Variants in PRELID2 observed in about 807,000 individuals in gnomAD.
PRELID2 encodes the protein PRELI domain containing 2.
PRELID2 carries 25 observed loss-of-function variants against 28.4 expected under a neutral mutation model. That is an observed-to-expected ratio of 0.88 (90% CI 0.64 to 1.23). The LOEUF (loss-of-function observed/expected upper bound fraction) is 1.23, where lower values mean the gene tolerates loss of function less well. Among genes scored for constraint, PRELID2 ranks in the 50% most tolerant of loss-of-function variants. The pLI is 0.00. For missense variants in PRELID2, 201 were observed against 214.4 expected, an observed-to-expected ratio of 0.94 and a Z score of 0.39; for synonymous variants, 76 against 71.6, an observed-to-expected ratio of 1.06 and a Z score of -0.31.
At chr5:145,415,104 T>A in the PRELID2 span, among the ~76,000 whole-genome samples, 987 of 151,912 alleles carry the variant, frequency 6.5e-3, 26 homozygotes, top group Admixed American at 0.05. Flanking sequence ...AAAACACTCC[T>A]CAGCAAATGC....
At chr5:145,280,714 C>A in the PRELID2 span, among the ~76,000 whole-genome samples, 1 of 150,852 alleles carries the variant, frequency 6.6e-6, no homozygotes, top group Non-Finnish European at 1.5e-5. Context: ...CTATTTCTGT[C>A]TGGATGGGAA....
chr5:145,739,462 A>C (rs1470755872), intron 1 of PRELID2, among the ~76,000 whole-genome samples: 1 of 152,136 alleles, frequency 6.6e-6, no homozygotes, highest in Admixed American at 6.6e-5. Flanking sequence ...CCGAGATTGC[A>C]CCACTGCACT....
chr5:145,530,950 C>A (rs1752650082), intron 1 of PRELID2, among the ~76,000 whole-genome samples: 1 of 152,238 alleles, frequency 6.6e-6, no homozygotes, highest in African/African-American at 2.4e-5. Flanking sequence ...TTAGCTTTTT[C>A]AAAGTCCTCT....
intron 1 of PRELID2, among the ~76,000 whole-genome samples, chr5:145,742,295 T>G (rs1358134976): frequency 7.7e-6 from 1 of 129,376 alleles, no homozygotes; most frequent in Non-Finnish European, 1.6e-5. Context: ...TATTTTTATA[T>G]AAATATTTAT....
chr5:145,517,315 C>G (rs756629508), intron 1 of PRELID2, among the ~76,000 whole-genome samples: 2 of 151,848 alleles, frequency 1.3e-5, no homozygotes, highest in Non-Finnish European at 2.9e-5. Context: ...ACAACCCCAT[C>G]AAAATATGGG....
At chr5:145,685,699 G>T (rs949538296) in intron 1 of PRELID2, among the ~76,000 whole-genome samples, 10 of 152,148 alleles carry the variant, frequency 6.6e-5, no homozygotes, top group African/African-American at 2.4e-4. Context: ...ACAATTGCCT[G>T]TAGTAAATAT....
chr5:145,684,183 T>G (rs1279679609), intron 1 of PRELID2, among the ~76,000 whole-genome samples: 1 of 152,122 alleles, frequency 6.6e-6, no homozygotes, highest in South Asian at 2.1e-4. Flanking sequence ...AGAACATGTA[T>G]GTAGAGGAGA....
chr5:145,597,757 A>C (rs1277211568), intron 1 of PRELID2, among the ~76,000 whole-genome samples: 2 of 152,142 alleles, frequency 1.3e-5, no homozygotes, highest in Non-Finnish European at 2.9e-5. Flanking sequence ...AAAATCCCAG[A>C]TCTAGATTTC....
the PRELID2 span, among the ~76,000 whole-genome samples, chr5:145,251,194 C>T: frequency 6.6e-6 from 1 of 152,038 alleles, no homozygotes. Flanking sequence ...AGGCAAGGCT[C>T]CTTCAGATCA....
intron 1 of PRELID2, among the ~76,000 whole-genome samples, chr5:145,540,767 A>G (rs1752739086): frequency 2.6e-5 from 4 of 151,806 alleles, no homozygotes; most frequent in African/African-American, 9.7e-5. Context: ...GGGAATAACA[A>G]TCAAATGCAA....
At chr5:145,423,988 C>A in the PRELID2 span, among the ~76,000 whole-genome samples, 7 of 151,534 alleles carry the variant, frequency 4.6e-5, no homozygotes, top group African/African-American at 1.7e-4. Context: ...TGTTGGAGTA[C>A]CCTGCCGTGT....
the PRELID2 span, among the ~76,000 whole-genome samples, chr5:145,335,894 G>A: frequency 0.014 from 2,112 of 152,312 alleles, 30 homozygotes; most frequent in Non-Finnish European, 0.022. Context: ...CACCAACAGT[G>A]TAAAAGTGTT....
chr5:145,356,128 C>T, the PRELID2 span, among the ~76,000 whole-genome samples: 1 of 152,108 alleles, frequency 6.6e-6, no homozygotes, highest in Non-Finnish European at 1.5e-5. Flanking sequence ...TGACCTAACA[C>T]TGGCCTCATT....
chr5:145,365,705 C>T, the PRELID2 span, among the ~76,000 whole-genome samples: 1 of 151,768 alleles, frequency 6.6e-6, no homozygotes, highest in African/African-American at 2.4e-5. Flanking sequence ...AAATAATGTG[C>T]CTCCCTCAAC....
the PRELID2 span, among the ~76,000 whole-genome samples, chr5:145,454,333 G>A: frequency 6.6e-6 from 1 of 152,226 alleles, no homozygotes; most frequent in Middle Eastern, 3.4e-3. Context: ...ATACTGAATG[G>A]GAAAAAACTG....
At chr5:145,507,391 G>A (rs1207737341) in intron 1 of PRELID2, among the ~76,000 whole-genome samples, 1 of 152,182 alleles carries the variant, frequency 6.6e-6, no homozygotes, top group Non-Finnish European at 1.5e-5. Context: ...GGTGATGCCT[G>A]TATAACACTT....
chr5:145,262,930 G>A, the PRELID2 span, among the ~76,000 whole-genome samples: 7 of 152,100 alleles, frequency 4.6e-5, no homozygotes, highest in Admixed American at 3.9e-4. Flanking sequence ...CAAGTATCTG[G>A]TGTCTTCAAG....
At chr5:145,712,229 G>T (rs1439875556) in intron 1 of PRELID2, among the ~76,000 whole-genome samples, 2 of 152,162 alleles carry the variant, frequency 1.3e-5, no homozygotes, top group Non-Finnish European at 2.9e-5. Flanking sequence ...TTAAATAAAT[G>T]AATTACATTT....
intron 5 of PRELID2, among the ~76,000 whole-genome samples, chr5:145,789,635 A>G (rs958472906): frequency 6.6e-6 from 1 of 152,224 alleles, no homozygotes; most frequent in African/African-American, 2.4e-5. Context: ...ACAAAAACAG[A>G]CAAATAAGAT....
Sources: gnomAD v4.1 joint callset for allele counts (sites outside exome capture counted in the v4.1 genomes callset) on GRCh38, gnomAD v4.1.1 for gene constraint, MANE v1.5 for transcripts, NCBI Gene and HGNC (gene_info 2026-07-23, HGNC 2026-07-21) for gene names.